The following FOXP2 variants were observed in gnomAD, a reference collection of about 807,000 sequenced individuals.
FOXP2 encodes forkhead box P2.
In FOXP2, 12 loss-of-function variants were observed where a neutral mutation model predicts 115.8. The ratio of observed to expected loss-of-function variants is 0.10; its 90% CI spans 0.07 to 0.17. FOXP2 has a LOEUF of 0.17. Among genes scored for constraint, FOXP2 ranks in the 10% least tolerant of loss-of-function variants. The pLI, the probability that FOXP2 is intolerant of heterozygous loss-of-function variation, is 1.00. For synonymous variants in FOXP2, 328 were observed against 297.7 expected, an observed-to-expected ratio of 1.10 and a Z score of -1.05; for missense variants, 629 against 843.5, an observed-to-expected ratio of 0.75 and a Z score of 3.15.
At chr7:114,584,458 A>T (rs207468431) in intron 3 of FOXP2, among the ~76,000 whole-genome samples, 2 of 152,296 alleles carry the variant, frequency 1.3e-5, no homozygotes, top group East Asian at 3.9e-4. Context: ...CATTCTGATC[A>T]CAACTTCCTG....
intron 3 of FOXP2, among the ~76,000 whole-genome samples, chr7:114,536,397 C>CTTTTTTTTTTTTTTTTTTTT (rs3997242): frequency 1.8e-5 from 2 of 112,372 alleles, no homozygotes; most frequent in Non-Finnish European, 1.8e-5. Flanking sequence ...TTTTTCTTTT[C>CTTTTTTTTTTTTTTTTTTTT]TTTTTTTTTT....
intron 2 of FOXP2, among the ~76,000 whole-genome samples, chr7:114,290,057 T>G (rs190560255): frequency 6.6e-6 from 1 of 152,016 alleles, no homozygotes; most frequent in Non-Finnish European, 1.5e-5. Context: ...AAGAGTAAAA[T>G]AGGGGACTGA....
chr7:114,275,194 A>G (rs986475358), intron 1 of FOXP2, among the ~76,000 whole-genome samples: 7 of 151,608 alleles, frequency 4.6e-5, no homozygotes, highest in Non-Finnish European at 7.4e-5. Context: ...TCTGTGGGTT[A>G]GTGTTTGACA....
chr7:114,178,102 A>T (rs1260433958), intron 1 of FOXP2, among the ~76,000 whole-genome samples: 1 of 151,958 alleles, frequency 6.6e-6, no homozygotes, highest in Non-Finnish European at 1.5e-5. Context: ...AAACAGTATT[A>T]TGCAAAGCTT....
chr7:114,687,896 T>A (rs997895093), intron 16 of FOXP2, among the ~76,000 whole-genome samples: 1 of 152,138 alleles, frequency 6.6e-6, no homozygotes, highest in Non-Finnish European at 1.5e-5. Flanking sequence ...AATCTTACAT[T>A]AAGAAGTAAC....
chr7:114,551,773 G>C (rs929880971), intron 3 of FOXP2, among the ~76,000 whole-genome samples: 1 of 152,032 alleles, frequency 6.6e-6, no homozygotes, highest in Non-Finnish European at 1.5e-5. Flanking sequence ...AGAGTGGCAG[G>C]TATTTATTTT....
chr7:114,651,098 T>C (rs1016839484), intron 8 of FOXP2, among the ~76,000 whole-genome samples: 2 of 152,124 alleles, frequency 1.3e-5, no homozygotes, highest in African/African-American at 2.4e-5. Context: ...TTTGAATGGA[T>C]ACAAAAATAT....
intron 3 of FOXP2, among the ~76,000 whole-genome samples, chr7:114,591,695 T>C (rs917247722): frequency 1.3e-5 from 2 of 152,112 alleles, no homozygotes; most frequent in Admixed American, 6.6e-5. Flanking sequence ...CAGTCTGATT[T>C]ACCACACTGT....
chr7:114,234,526 G>T (rs985923788), intron 1 of FOXP2, among the ~76,000 whole-genome samples: 6 of 152,192 alleles, frequency 3.9e-5, no homozygotes, highest in Non-Finnish European at 5.9e-5. Context: ...ATCAATAGCA[G>T]ATTTTAACCC....
intron 1 of FOXP2, among the ~76,000 whole-genome samples, chr7:114,233,815 C>A (rs768444327): frequency 6.6e-6 from 1 of 152,138 alleles, no homozygotes. Flanking sequence ...GAGTTTGAGA[C>A]CAGCCTGATC....
At chr7:114,302,639 A>G (rs1584620612) in intron 2 of FOXP2, among the ~76,000 whole-genome samples, 1 of 152,194 alleles carries the variant, frequency 6.6e-6, no homozygotes, top group East Asian at 1.9e-4. Flanking sequence ...AAAGCTTTGT[A>G]TAATTCCCTT....
intron 2 of FOXP2, among the ~76,000 whole-genome samples, chr7:114,473,629 G>A (rs151120176): frequency 1.3e-5 from 2 of 151,984 alleles, no homozygotes; most frequent in East Asian, 1.9e-4. Context: ...CTTCTAAATC[G>A]TTTGGCAAAA....
intron 2 of FOXP2, among the ~76,000 whole-genome samples, chr7:114,466,205 C>A (rs952392854): frequency 6.6e-6 from 1 of 152,158 alleles, no homozygotes; most frequent in African/African-American, 2.4e-5. Context: ...TTGCTAGAGA[C>A]CCATCACTGG....
intron 2 of FOXP2, among the ~76,000 whole-genome samples, chr7:114,528,126 C>A (rs1798962856): frequency 6.6e-6 from 1 of 151,988 alleles, no homozygotes; most frequent in Non-Finnish European, 1.5e-5. Flanking sequence ...AATCTTCTCA[C>A]CATGTTTTAC....
At chr7:114,132,580 TGTGAGA>T (rs1487941120) in intron 1 of FOXP2, among the ~76,000 whole-genome samples, 9 of 59,578 alleles carry the variant, frequency 1.5e-4, no homozygotes, top group African/African-American at 5.4e-4. Context: ...TGTGTGTGTG[TGTGAGA>T]GAGAGAGAGA....
intron 2 of FOXP2, among the ~76,000 whole-genome samples, chr7:114,449,943 T>A (rs1263686271): frequency 6.6e-6 from 1 of 152,126 alleles, no homozygotes; most frequent in East Asian, 1.9e-4. Context: ...TACAGTTCAC[T>A]TTATAATCAT....
At chr7:114,621,327 T>G (rs2129323485) in intron 3 of FOXP2, among the ~76,000 whole-genome samples, 1 of 152,188 alleles carries the variant, frequency 6.6e-6, no homozygotes, top group African/African-American at 2.4e-5. Flanking sequence ...ATATGATTTA[T>G]GTACAATATA....
chr7:114,249,041 A>G (rs1184424211), intron 1 of FOXP2, among the ~76,000 whole-genome samples: 1 of 152,192 alleles, frequency 6.6e-6, no homozygotes, highest in Non-Finnish European at 1.5e-5. Flanking sequence ...TGAACAAGAA[A>G]AAGTACCTGC....
chr7:114,471,323 A>T (rs1036903159), intron 2 of FOXP2, among the ~76,000 whole-genome samples: 5 of 152,014 alleles, frequency 3.3e-5, no homozygotes, highest in African/African-American at 1.2e-4. Flanking sequence ...GCATTTCTAT[A>T]TTTTTTCTCC....
Sources: gnomAD v4.1 joint callset for allele counts (sites outside exome capture counted in the v4.1 genomes callset) on GRCh38, gnomAD v4.1.1 for gene constraint, MANE v1.5 for transcripts, NCBI Gene and HGNC (gene_info 2026-07-23, HGNC 2026-07-21) for gene names.